Variants in OAT observed in about 807,000 individuals in gnomAD.
OAT encodes ornithine aminotransferase, mitochondrial.
A neutral mutation model predicts 48.4 loss-of-function variants in OAT; 35 were observed. The observed-to-expected ratio is 0.72, with a 90% CI of 0.55 to 0.96. The LOEUF is 0.96. OAT is among the 40% of genes least tolerant of loss of function. The probability of loss-of-function intolerance (pLI) is 0.00; values close to 1 mark genes in which losing one functional copy is unlikely to be tolerated. For missense variants in OAT, 438 were observed against 537.9 expected (o/e 0.81, Z 1.84); for synonymous variants, 182 against 198.4 (o/e 0.92, Z 0.70).
chr10:124,417,696 C>T (rs1446963494), intron 1 of OAT, among the ~76,000 whole-genome samples: 1 of 152,082 alleles, frequency 6.6e-6, no homozygotes, highest in Non-Finnish European at 1.5e-5. Context: ...TGGCTAAGAG[C>T]GATTGATTAC....
Position 124,413,376 on chromosome 10 carries a change from GA to G in OAT, c.-29-1177del, listed in dbSNP as rs1039249048. Among the ~76,000 whole-genome samples the G allele has an allele frequency of 2.6e-5, 4 of 151,532 alleles. No individual in the cohort carries two copies. The South Asian group carries it at 6.2e-4, about 24-fold the overall frequency. ...TGGTTGTTTCTACAAAACTTATCCTGAAAAATTGTAGCATAAAAGATATTGT... is the reference window on the plus strand; with the variant it reads ...TGGTTGTTTCTACAAAACTTATCCTGAAAATTGTAGCATAAAAGATATTGT... On this transcript the variant is annotated intron_variant, in intron 1 of 9. Transcript: ENST00000368845.
chr10:124,406,996 T>A (rs1408483763), intron 4 of OAT: 1 of 984,894 alleles, frequency 1.0e-6, no homozygotes, highest in Non-Finnish European at 1.2e-6. Flanking sequence ...AGGTTGGGAG[T>A]TTGTGACATC....
At chr10:124,405,801 G>A in intron 4 of OAT, 1 of 1,305,690 alleles carries the variant, frequency 7.7e-7, no homozygotes, top group South Asian at 1.5e-5. Flanking sequence ...TCTCTCTACT[G>A]AGCCTCTTGA....
chr10:124,399,335 A>ATTTTTTTTTTTTTTTT lies in OAT; in HGVS notation c.1160-1234_1160-1233insAAAAAAAAAAAAAAAA, dbSNP rs1427092729. 7.0e-5 allele frequency among the ~76,000 whole-genome samples: 7 copies of ATTTTTTTTTTTTTTTT among 100,376 alleles called. 3 individuals carry two copies. Among genetic ancestry groups the ATTTTTTTTTTTTTTTT allele is most frequent in the African/African-American group, 1.1e-4 (3 of 27,762 alleles). The allele number at this position is 100,376 out of a possible 152,430, so 65.9% of individuals were successfully genotyped here. ...ATTTTTTTAAGAAGCTCCCCAGGTG[A>ATTTTTTTTTTTTTTTT]TTCTTTTTTTTTTTTTTTTTTTTTT... On this transcript the variant is annotated intron_variant, in intron 9 of 9. Coordinates refer to ENST00000368845, the MANE Select transcript of OAT (RefSeq NM_000274.4).
At chr10:124,398,699 T>A (rs1589693607) in intron 9 of OAT, among the ~76,000 whole-genome samples, 1 of 148,996 alleles carries the variant, frequency 6.7e-6, no homozygotes, top group Non-Finnish European at 1.5e-5. Context: ...GCTGTATTAA[T>A]CACACAAGGA....
At position 124,403,808 on chromosome 10, in the gene OAT, G is replaced by C; in HGVS notation, c.761C>G (p.Thr254Ser). 1.2e-6 allele frequency: 2 copies of C among 1,614,140 alleles called. No homozygotes were observed. Among genetic ancestry groups the C allele is most frequent in the Non-Finnish European group, 1.7e-6 (2 of 1,180,018 alleles). Residue 254 changes from threonine (T) to serine (S), a missense_variant, in exon 6 of 10, where the codon ACC becomes AGC. Thr to Ser is a moderately conservative substitution (Grantham distance 58, BLOSUM62 1). Coordinates refer to ENST00000368845, the MANE Select transcript of OAT (RefSeq NM_000274.4). The stretch of plus-strand genomic sequence containing the variant: ...AGCTAACGTGACAACCTGGTGCCTG[G>C]TGCAGAGCTCTCGCACTCCCATTAG... ...GYLMGVRELC[T>S]RHQVLFIADE...
At chr10:124,406,871 A>C (rs1951595249) in intron 4 of OAT, 1 of 717,616 alleles carries the variant, frequency 1.4e-6, no homozygotes, top group African/African-American at 1.9e-5. Context: ...ATCCTCAGGG[A>C]GCTTCCTTTC....
At position 124,405,482 on chromosome 10, in the gene OAT, AT is replaced by A; in HGVS notation, c.601del (p.Met201CysfsTer29). 6.2e-7 allele frequency: 1 copy of A among 1,614,220 alleles called. No individual in the cohort carries two copies. Among genetic ancestry groups the A allele is most frequent in the Non-Finnish European group, 8.5e-7 (1 of 1,180,028 alleles). Reference protein sequence around the residue: ...PTSYDGFGPFMPGFDIIPYND... With the variant: ...PTSYDGFGPFXPGFDIIPYND... Reference sequence around the variant, plus strand: ...ATAGGGAATGATGTCGAATCCCGGCATAAATGGTCCAAAACCATCGTAACTG... The same window carrying A: ...ATAGGGAATGATGTCGAATCCCGGCAAAATGGTCCAAAACCATCGTAACTG... On this transcript the variant is annotated frameshift_variant, in exon 5 of 10. Coordinates refer to ENST00000368845, the MANE Select transcript of OAT (RefSeq NM_000274.4). LOFTEE classifies it high-confidence loss of function.
intron 9 of OAT, among the ~76,000 whole-genome samples, chr10:124,399,518 T>G (rs1442465779): frequency 6.6e-6 from 1 of 151,902 alleles, no homozygotes; most frequent in African/African-American, 2.4e-5. Context: ...GCTATTTTTT[T>G]GTATTTTTAG....
chr10:124,400,231 C>T (rs537875869), intron 9 of OAT, among the ~76,000 whole-genome samples: 31 of 152,158 alleles, frequency 2.0e-4, no homozygotes, highest in African/African-American at 7.0e-4. Context: ...AGGCGGATCA[C>T]GAGGTCAGGA....
intron 4 of OAT, chr10:124,405,853 T>C: frequency 8.2e-7 from 1 of 1,215,842 alleles, no homozygotes; most frequent in South Asian, 1.6e-5. Context: ...TTACTTTTCT[T>C]TCAATAATCC....
In OAT at chr10:124,405,541, C is replaced by T. The variant is rs558611630; in HGVS notation, c.543G>A (p.Thr181=). 61 of 1,613,954 alleles carry T rather than the reference C, an allele frequency of 3.8e-5. No individual in the cohort carries two copies. The highest frequency in any genetic ancestry group is 1.6e-4 in the Middle Eastern group (1 of 6,062). The change falls in exon 5 of 10, where the codon ACG becomes ACA. Residue 181 remains threonine, a synonymous_variant. Transcript: ENST00000368845. ...CTGTGGAACTGGAGATAGCAGACAACGTCCTACCCCAGAAGTTCCCAGCTA... is the reference window on the plus strand; with the variant it reads ...CTGTGGAACTGGAGATAGCAGACAATGTCCTACCCCAGAAGTTCCCAGCTA... ...VFAAGNFWGR[T]LSAISSSTDP...
chr10:124,412,001 AGGAT>A lies in OAT; in HGVS notation c.167_170del (p.His56LeufsTer4), dbSNP rs1564739659. The A allele has an allele frequency of 6.2e-7, 1 of 1,614,094 alleles. No homozygotes were observed. The highest frequency in any genetic ancestry group is 8.5e-7 in the Non-Finnish European group (1 of 1,180,024). On this transcript the variant is annotated frameshift_variant, in exon 2 of 10. Coordinates refer to ENST00000368845, the MANE Select transcript of OAT (RefSeq NM_000274.4). LOFTEE classifies it high-confidence loss of function. ...TTCCTCTCTCCAGGGCTACAGGTAA[AGGAT>A]GGTAGTTGTGTGCACCATACTTATA...
chr10:124,409,534 G>C (rs183308287), intron 2 of OAT, among the ~76,000 whole-genome samples: 1 of 149,330 alleles, frequency 6.7e-6, no homozygotes, highest in Non-Finnish European at 1.5e-5. Flanking sequence ...CTGGGCACCA[G>C]AGCAAAATCC....
At chr10:124,411,139 CAAAA>C (rs370084432) in intron 2 of OAT, among the ~76,000 whole-genome samples, 2 of 15,014 alleles carry the variant, frequency 1.3e-4, no homozygotes, top group African/African-American at 3.8e-4. Flanking sequence ...CATTCCGTCT[CAAAA>C]AAAAAAAAAA....
At position 124,403,790 on chromosome 10, in the gene OAT, G is replaced by C. The variant is rs113532454; in HGVS notation, c.771+8C>G. On this transcript the variant is annotated splice_region_variant and intron_variant, in intron 6 of 9. Coordinates refer to ENST00000368845, the MANE Select transcript of OAT (RefSeq NM_000274.4). Reference sequence around the variant, plus strand: ...TTCAGCCTTATCACAAACAGCTAACGTGACAACCTGGTGCCTGGTGCAGAG... The same window carrying C: ...TTCAGCCTTATCACAAACAGCTAACCTGACAACCTGGTGCCTGGTGCAGAG... The C allele has an allele frequency of 1.9e-6, 3 of 1,614,064 alleles. No homozygotes were observed. Among genetic ancestry groups the C allele is most frequent in the Non-Finnish European group, 2.5e-6 (3 of 1,179,964 alleles).
At chr10:124,401,096 AAC>A in intron 8 of OAT, 112 bp from the exon 9 acceptor site, 1 of 691,442 alleles carries the variant, frequency 1.4e-6, no homozygotes, top group South Asian at 1.8e-5. Flanking sequence ...ATACCAGAGG[AAC>A]TTAACTTTCA....
intron 1 of OAT, chr10:124,414,174 A>G (rs184304039): frequency 3.4e-4 from 52 of 152,358 alleles, no homozygotes; most frequent in African/African-American, 1.3e-3. Context: ...GACAAGTCAA[A>G]CCATGTATAA....
rs182596339 is a variant in OAT, at chr10:124,416,592, G to A, written c.-30+2281C>T. The stretch of plus-strand genomic sequence containing the variant: ...TTCTAACACTGAAGGTTTTATCCAC[G>A]TAATTAACAGGGTCCTTCAGGCTAC... On this transcript the variant is annotated intron_variant, in intron 1 of 9. Transcript: ENST00000368845. 5.3e-4 allele frequency among the ~76,000 whole-genome samples: 81 copies of A among 152,236 alleles called. 1 individual carries two copies. The highest frequency in any genetic ancestry group is 2.6e-3 in the Admixed American group (40 of 15,296).
Sources: allele counts gnomAD v4.1 joint callset (sites outside exome capture counted in the v4.1 genomes callset), GRCh38; gene constraint gnomAD v4.1.1; transcripts MANE v1.5; gene names NCBI Gene and HGNC (gene_info 2026-07-23, HGNC 2026-07-21).